The following GPR39 variants were observed in gnomAD, a reference collection of about 807,000 sequenced individuals.
GPR39 encodes G protein-coupled receptor 39.
In GPR39, 23 loss-of-function variants were observed where a neutral mutation model predicts 18.4. The observed-to-expected ratio is 1.25, with a 90% CI of 0.90 to 1.77. The LOEUF is 1.77. Among genes scored for constraint, GPR39 ranks in the 40% most tolerant of loss-of-function variants. The pLI is 0.00. For synonymous variants in GPR39, 280 were observed against 257.9 expected (o/e 1.09, Z -0.82); for missense variants, 647 against 602.4 (o/e 1.07, Z -0.78).
chr2:132,518,935 G>T (rs535728218), intron 1 of GPR39, among the ~76,000 whole-genome samples: 56 of 152,270 alleles, frequency 3.7e-4, no homozygotes, highest in Non-Finnish European at 7.1e-4. Flanking sequence ...ACAAGGGGCT[G>T]GTGGCTTCCA....
intron 1 of GPR39, among the ~76,000 whole-genome samples, chr2:132,494,284 C>G (rs1681596550): frequency 1.3e-5 from 2 of 152,148 alleles, no homozygotes; most frequent in African/African-American, 4.8e-5. Flanking sequence ...AAGACCTTCT[C>G]CAGAACACCC....
At chr2:132,502,016 A>G (rs763479319) in intron 1 of GPR39, among the ~76,000 whole-genome samples, 2 of 152,118 alleles carry the variant, frequency 1.3e-5, no homozygotes, top group Non-Finnish European at 1.5e-5. Flanking sequence ...TTGCTTGGTG[A>G]ATTCTTATTC....
intron 1 of GPR39, among the ~76,000 whole-genome samples, chr2:132,484,782 C>T (rs566907485): frequency 7.2e-5 from 11 of 152,182 alleles, no homozygotes; most frequent in Non-Finnish European, 1.5e-4. Context: ...TATGCTCTGA[C>T]ATATTTTGTA....
intron 1 of GPR39, among the ~76,000 whole-genome samples, chr2:132,616,437 G>C (rs1681336267): frequency 6.6e-6 from 1 of 152,180 alleles, no homozygotes; most frequent in South Asian, 2.1e-4. Context: ...GAGTGTGGAG[G>C]AAGGCAAGGA....
chr2:132,642,356 C>T (rs1441643210), intron 1 of GPR39, among the ~76,000 whole-genome samples: 1 of 152,140 alleles, frequency 6.6e-6, no homozygotes, highest in East Asian at 1.9e-4. Context: ...GAGCTTCTTC[C>T]CACTTATTTT....
intron 1 of GPR39, among the ~76,000 whole-genome samples, chr2:132,504,296 T>C (rs1679098239): frequency 6.6e-6 from 1 of 152,222 alleles, no homozygotes; most frequent in Non-Finnish European, 1.5e-5. Context: ...CCATGATATC[T>C]AAATATAAAT....
Position 132,533,904 on chromosome 2 carries a change from C to T in GPR39, c.857-111197C>T, listed in dbSNP as rs188219589. On this transcript the variant is annotated intron_variant, in intron 1 of 1. Transcript: ENST00000329321. ...CATAAAAACCCTAGAAGAAAACCTA[C>T]GAAATACCATTCAGGACATAGGCAT... 3.1e-3 allele frequency among the ~76,000 whole-genome samples: 471 copies of T among 152,180 alleles called. 4 individuals are homozygous for T. The highest frequency in any genetic ancestry group is 0.011 in the African/African-American group (439 of 41,554).
intron 1 of GPR39, among the ~76,000 whole-genome samples, chr2:132,643,440 G>A (rs904420840): frequency 1.3e-5 from 2 of 152,172 alleles, no homozygotes; most frequent in Non-Finnish European, 2.9e-5. Flanking sequence ...CCAACAGCAG[G>A]CAAGGAATAC....
intron 1 of GPR39, among the ~76,000 whole-genome samples, chr2:132,472,244 C>G (rs1681045556): frequency 6.6e-6 from 1 of 152,276 alleles, no homozygotes; most frequent in African/African-American, 2.4e-5. Flanking sequence ...GGAGTAGATT[C>G]TCTGCCATGG....
At chr2:132,613,195 A>C (rs1234448113) in intron 1 of GPR39, among the ~76,000 whole-genome samples, 1 of 152,070 alleles carries the variant, frequency 6.6e-6, no homozygotes, top group Non-Finnish European at 1.5e-5. Context: ...TGAGGGTTTT[A>C]TTTCCTCCTT....
At chr2:132,432,841 G>T (rs769929652) in intron 1 of GPR39, among the ~76,000 whole-genome samples, 1 of 152,156 alleles carries the variant, frequency 6.6e-6, no homozygotes, top group Non-Finnish European at 1.5e-5. Context: ...TATCATCTCT[G>T]CATTAGACAT....
chr2:132,552,249 G>T (rs1179821669), intron 1 of GPR39, among the ~76,000 whole-genome samples: 4 of 152,148 alleles, frequency 2.6e-5, no homozygotes, highest in Non-Finnish European at 5.9e-5. Flanking sequence ...AATCCCCAGT[G>T]TTAGAGGTGG....
intron 1 of GPR39, among the ~76,000 whole-genome samples, chr2:132,578,695 T>A (rs1558846263): frequency 6.6e-6 from 1 of 152,132 alleles, no homozygotes; most frequent in African/African-American, 2.4e-5. Context: ...ATGAACTAGA[T>A]TGTTTGATTA....
At chr2:132,533,723 CT>C (rs1283419880) in intron 1 of GPR39, among the ~76,000 whole-genome samples, 1 of 152,054 alleles carries the variant, frequency 6.6e-6, no homozygotes, top group African/African-American at 2.4e-5. Flanking sequence ...TTTGACAAAC[CT>C]GAGAAAAGCA....
intron 1 of GPR39, among the ~76,000 whole-genome samples, chr2:132,425,230 T>C (rs1000401002): frequency 1.3e-5 from 2 of 152,228 alleles, no homozygotes; most frequent in African/African-American, 4.8e-5. Flanking sequence ...CCTATACTGA[T>C]GTTCCTATGC....
rs939567937 is a variant in GPR39 at position 132,450,681 on chromosome 2, C to T, written c.856+32783C>T. 1.2e-4 allele frequency among the ~76,000 whole-genome samples: 18 copies of T among 152,178 alleles called. 1 individual carries two copies. Among genetic ancestry groups the T allele is most frequent in the Admixed American group, 9.8e-4 (15 of 15,274 alleles). On this transcript the variant is annotated intron_variant, in intron 1 of 1. Coordinates refer to ENST00000329321, the MANE Select transcript of GPR39 (RefSeq NM_001508.3). ...CAAGGGAATGGTGCTGAAGTGAGTG[C>T]CCTCAGAGAAGAGACAAGAAAGCTT...
chr2:132,549,738 A>C (rs1254789411), intron 1 of GPR39, among the ~76,000 whole-genome samples: 1 of 152,192 alleles, frequency 6.6e-6, no homozygotes, highest in East Asian at 1.9e-4. Flanking sequence ...CAGTGAGCCG[A>C]GATTGTGCCA....
Position 132,632,559 on chromosome 2 carries a change from C to T in GPR39, c.857-12542C>T, listed in dbSNP as rs563046241. On this transcript the variant is annotated intron_variant, in intron 1 of 1. Transcript: ENST00000329321. ...AGCAGCTGGCTGGGGCTGTGTGTTT[C>T]GGTGCATGAACTCTGGACCAGGCTG... Among the ~76,000 whole-genome samples the T allele has an allele frequency of 2.8e-4, 42 of 152,270 alleles. 1 individual carries two copies. In the South Asian group the frequency reaches 6.2e-3, roughly 23 times the overall value.
chr2:132,588,625 G>C (rs1680772556), intron 1 of GPR39, among the ~76,000 whole-genome samples: 1 of 152,134 alleles, frequency 6.6e-6, no homozygotes, highest in Non-Finnish European at 1.5e-5. Context: ...CTTGAAGCAT[G>C]GTGGCATTGG....
Sources: gnomAD v4.1 joint callset for allele counts (sites outside exome capture counted in the v4.1 genomes callset) on GRCh38, gnomAD v4.1.1 for gene constraint, MANE v1.5 for transcripts, NCBI Gene and HGNC (gene_info 2026-07-23, HGNC 2026-07-21) for gene names.